The following MYT1L variants were observed in gnomAD, a reference collection of about 807,000 sequenced individuals.
MYT1L encodes the protein myelin transcription factor 1-like protein.
In MYT1L, 12 loss-of-function variants were observed where a neutral mutation model predicts 126.7. The ratio of observed to expected loss-of-function variants is 0.09; its 90% CI spans 0.06 to 0.15. MYT1L has a LOEUF of 0.15. Ranked by LOEUF, MYT1L falls within the 10% of genes least tolerant of loss-of-function variation. The pLI, the probability that MYT1L is intolerant of heterozygous loss-of-function variation, is 1.00. For synonymous variants in MYT1L, 541 were observed against 604.2 expected (o/e 0.90, Z 1.53); for missense variants, 979 against 1,585.2 (o/e 0.62, Z 6.49).
At chr2:2,081,586 T>G (rs1244784721) in intron 3 of MYT1L, among the ~76,000 whole-genome samples, 1 of 152,234 alleles carries the variant, frequency 6.6e-6, no homozygotes. Context: ...TTCTTCATCA[T>G]GTCATTCAAT....
At position 1,943,469 on chromosome 2, in the gene MYT1L, CAG is replaced by C; in HGVS notation, c.153-137_153-136del. The stretch of plus-strand genomic sequence containing the variant: ...TCATGAATGTCATCAGCACAAACAC[CAG>C]AGAGACATAACATACATGTTCCCCG... On this transcript the variant is annotated intron_variant, in intron 8 of 24. Coordinates refer to ENST00000647738, the MANE Select transcript of MYT1L (RefSeq NM_001303052.2). The surrounding 1 kb of genome is among the most constrained non-coding windows in gnomAD (Gnocchi z 4.4). 1 of 1,042,244 alleles carries C rather than the reference CAG, an allele frequency of 9.6e-7. No individual in the cohort carries two copies. Among genetic ancestry groups the C allele is most frequent in the Non-Finnish European group, 1.3e-6 (1 of 747,414 alleles). 64.6% of individuals were successfully genotyped at this position (1,042,244 alleles called of 1,614,324 possible). A position where few individuals can be genotyped will look rare whatever the true frequency, so the allele number is the denominator to read the frequency against.
intron 21 of MYT1L, among the ~76,000 whole-genome samples, chr2:1,826,670 G>A (rs1020244284): frequency 7.9e-4 from 120 of 152,306 alleles, no homozygotes; most frequent in African/African-American, 2.7e-3. Flanking sequence ...ACCGGGTACC[G>A]GGTCAGTGCA....
intron 3 of MYT1L, among the ~76,000 whole-genome samples, chr2:2,077,937 C>T (rs1193662273): frequency 6.6e-6 from 1 of 152,086 alleles, no homozygotes; most frequent in Non-Finnish European, 1.5e-5. Context: ...GTAATGCTTT[C>T]GTTCTTCTAT....
At chr2:1,874,993 G>A (rs1043841591) in intron 18 of MYT1L, among the ~76,000 whole-genome samples, 6 of 152,152 alleles carry the variant, frequency 3.9e-5, no homozygotes, top group African/African-American at 1.2e-4. Flanking sequence ...GAGTCCTTGC[G>A]TTCCTCACAG....
rs1266970201 is a variant in MYT1L at position 2,288,607 on chromosome 2, G to T, written c.-520-4104C>A. Reference sequence around the variant, plus strand: ...TTGCTTGTTGATATTATCATATTTAGGTTAGATAGCTATATTATTAAAATT... The same window carrying T: ...TTGCTTGTTGATATTATCATATTTATGTTAGATAGCTATATTATTAAAATT... On this transcript the variant is annotated intron_variant, in intron 1 of 24. Coordinates refer to ENST00000647738, the MANE Select transcript of MYT1L (RefSeq NM_001303052.2). 2.0e-5 allele frequency among the ~76,000 whole-genome samples: 3 copies of T among 152,108 alleles called. 1 individual carries two copies. Among genetic ancestry groups the T allele is most frequent in the Admixed American group, 2.0e-4 (3 of 15,272 alleles).
chr2:1,994,208 C>T lies in MYT1L; in HGVS notation c.-1+2983G>A, dbSNP rs150040957. ...AGCCTTGCATTTTGGGGTGAGTGGC[C>T]GAGCCCCTGACGGGCCTGTTCCTTC... On this transcript the variant is annotated intron_variant, in intron 5 of 24. Transcript: ENST00000647738. Among the ~76,000 whole-genome samples, 641 of 152,310 alleles carry T rather than the reference C, an allele frequency of 4.2e-3. 7 individuals carry two copies. Among genetic ancestry groups the T allele is most frequent in the African/African-American group, 0.015 (611 of 41,554 alleles).
intron 18 of MYT1L, among the ~76,000 whole-genome samples, chr2:1,863,389 A>T (rs1008793826): frequency 6.6e-6 from 1 of 152,200 alleles, no homozygotes. Flanking sequence ...GATGAAAAAA[A>T]TGAAGATGTG....
At chr2:1,966,478 C>T (rs2059367069) in intron 8 of MYT1L, among the ~76,000 whole-genome samples, 1 of 152,126 alleles carries the variant, frequency 6.6e-6, no homozygotes, top group Non-Finnish European at 1.5e-5. Context: ...TCTGATCTTC[C>T]TGGAGAGAGG....
At chr2:2,217,329 T>C (rs1370541436) in intron 2 of MYT1L, among the ~76,000 whole-genome samples, 1 of 152,126 alleles carries the variant, frequency 6.6e-6, no homozygotes, top group African/African-American at 2.4e-5. Context: ...TGGAGCTTAA[T>C]CAAGGTTAAT....
Position 1,797,863 on chromosome 2 carries a change from G to A in MYT1L, c.3276+3833C>T, listed in dbSNP as rs554602405. 7.4e-5 allele frequency among the ~76,000 whole-genome samples: 11 copies of A among 149,360 alleles called. No individual in the cohort carries two copies. In the East Asian group the frequency reaches 1.4e-3, roughly 19 times the overall value. ...TCCTGCATCCGGCACAGGCGCGGCG[G>A]TCTCCCCCCATCCGGCACAGGCGCG... On this transcript the variant is annotated intron_variant, in intron 23 of 24. Transcript: ENST00000647738.
intron 2 of MYT1L, among the ~76,000 whole-genome samples, chr2:2,193,167 G>T (rs547359629): frequency 6.6e-6 from 1 of 151,960 alleles, no homozygotes; most frequent in Admixed American, 6.6e-5. Flanking sequence ...TAGTAGAGAC[G>T]GGGTTTCACC....
chr2:2,155,921 C>T (rs1207358255), intron 3 of MYT1L, among the ~76,000 whole-genome samples: 4 of 152,122 alleles, frequency 2.6e-5, no homozygotes, highest in Admixed American at 2.6e-4. Context: ...CTGTGATTCA[C>T]CTCGCTAAGC....
rs970215258 is a variant in MYT1L at position 2,298,975 on chromosome 2, C to G, written c.-520-14472G>C. ...TCAAGTGCTTCTCCTGCCTCAGCTTCCCAAGTAGCTGGGACTACAGGCGTG... is the reference window on the plus strand; with the variant it reads ...TCAAGTGCTTCTCCTGCCTCAGCTTGCCAAGTAGCTGGGACTACAGGCGTG... On this transcript the variant is annotated intron_variant, in intron 1 of 24. Coordinates refer to ENST00000647738, the MANE Select transcript of MYT1L (RefSeq NM_001303052.2). 2.6e-5 allele frequency among the ~76,000 whole-genome samples: 4 copies of G among 152,182 alleles called. No individual in the cohort carries two copies. The East Asian group carries it at 7.7e-4, about 29-fold the overall frequency.
intron 21 of MYT1L, among the ~76,000 whole-genome samples, chr2:1,837,703 C>T (rs920118077): frequency 1.3e-5 from 2 of 152,026 alleles, no homozygotes; most frequent in South Asian, 2.1e-4. Flanking sequence ...TAACAAGGAA[C>T]GCCCTGTCTG....
At chr2:1,794,825 T>C (rs1003074578) in intron 23 of MYT1L, among the ~76,000 whole-genome samples, 9 of 152,164 alleles carry the variant, frequency 5.9e-5, no homozygotes, top group South Asian at 2.1e-4. Context: ...CAAATCTCAT[T>C]GTGTTAAATC....
intron 2 of MYT1L, among the ~76,000 whole-genome samples, chr2:2,261,863 T>C (rs745898087): frequency 3.3e-5 from 5 of 152,148 alleles, no homozygotes; most frequent in Non-Finnish European, 7.3e-5. Context: ...ACTAGGAACA[T>C]CCTTCATTTC....
At position 1,917,691 on chromosome 2, in the gene MYT1L, G is replaced by A. The variant is rs967704004; in HGVS notation, c.1484-352C>T. Among the ~76,000 whole-genome samples, 1 of 152,186 alleles carries A rather than the reference G, an allele frequency of 6.6e-6. No homozygotes were observed. Among genetic ancestry groups the A allele is most frequent in the African/African-American group, 2.4e-5 (1 of 41,442 alleles). On this transcript the variant is annotated intron_variant, in intron 10 of 24. Coordinates refer to ENST00000647738, the MANE Select transcript of MYT1L (RefSeq NM_001303052.2). This position sits in a 1 kb window ranked among gnomAD's most constrained non-coding sequence, Gnocchi z 5.9. ...TGAGACAGTGACCTTCTTAGAGAACGAAATTCTGTGCCATCATCATTCAGC... is the reference window on the plus strand; with the variant it reads ...TGAGACAGTGACCTTCTTAGAGAACAAAATTCTGTGCCATCATCATTCAGC...
intron 3 of MYT1L, among the ~76,000 whole-genome samples, chr2:2,094,010 G>T (rs1445368139): frequency 2.6e-5 from 4 of 152,120 alleles, no homozygotes; most frequent in Non-Finnish European, 5.9e-5. Context: ...TAGATGTGTG[G>T]TATTACTTCT....
At chr2:2,022,871 G>A (rs112107380) in intron 4 of MYT1L, among the ~76,000 whole-genome samples, 214 of 152,280 alleles carry the variant, frequency 1.4e-3, no homozygotes, top group African/African-American at 4.8e-3. Context: ...AAATACTGGC[G>A]GAGGCGTTTC....
Sources: allele counts gnomAD v4.1 joint callset (sites outside exome capture counted in the v4.1 genomes callset), GRCh38; gene constraint gnomAD v4.1.1; non-coding constraint Gnocchi (gnomAD v3.1); transcripts MANE v1.5; gene names NCBI Gene and HGNC (gene_info 2026-07-23, HGNC 2026-07-21).